Variants in ARID4A observed in about 807,000 individuals in gnomAD.
ARID4A encodes the protein AT-rich interactive domain-containing protein 4A.
A neutral mutation model predicts 148.6 loss-of-function variants in ARID4A; 39 were observed. The observed-to-expected ratio is 0.26, with a 90% CI of 0.20 to 0.34. The LOEUF (loss-of-function observed/expected upper bound fraction) is 0.34, where lower values mean the gene tolerates loss of function less well. Ranked by LOEUF, ARID4A falls within the 10% of genes least tolerant of loss-of-function variation. The probability of loss-of-function intolerance (pLI) is 1.00; values close to 1 mark genes in which losing one functional copy is unlikely to be tolerated. For missense variants in ARID4A, 1,265 were observed against 1,449.1 expected (o/e 0.87, Z 2.06); for synonymous variants, 475 against 481.2 (o/e 0.99, Z 0.17).
At chr14:58,348,642 A>G (rs925825519) in intron 15 of ARID4A, among the ~76,000 whole-genome samples, 9 of 152,218 alleles carry the variant, frequency 5.9e-5, no homozygotes, top group Admixed American at 1.3e-4. Context: ...TTTTAGAAAG[A>G]GAAAGGAATT....
intron 4 of ARID4A, among the ~76,000 whole-genome samples, chr14:58,305,701 T>C (rs1696162908): frequency 6.6e-6 from 1 of 152,168 alleles, no homozygotes; most frequent in South Asian, 2.1e-4. Flanking sequence ...GGCAATGTGA[T>C]ATAGTGGAAA....
intron 15 of ARID4A, among the ~76,000 whole-genome samples, chr14:58,350,829 C>G (rs952481657): frequency 1.2e-4 from 18 of 151,882 alleles, no homozygotes; most frequent in African/African-American, 4.4e-4. Flanking sequence ...TTTTTTCATT[C>G]AAACAGATTC....
At chr14:58,354,786 G>C (rs2034800156) in intron 17 of ARID4A, among the ~76,000 whole-genome samples, 1 of 152,064 alleles carries the variant, frequency 6.6e-6, no homozygotes, top group African/African-American at 2.4e-5. Flanking sequence ...ATCTTATCTA[G>C]AAGGAGAGAC....
At chr14:58,323,180 G>T (rs1039761650) in intron 7 of ARID4A, among the ~76,000 whole-genome samples, 9 of 151,482 alleles carry the variant, frequency 5.9e-5, no homozygotes, top group Admixed American at 1.3e-4. Context: ...AAAGTATTTG[G>T]CACAATAAGT....
chr14:58,365,739 A>C, intron 21 of ARID4A, 117 bp downstream of exon 21: 1 of 890,628 alleles, frequency 1.1e-6, no homozygotes. Context: ...TTTTCATTTA[A>C]CAGTATTATA....
chr14:58,323,280 A>G (rs1175554819), intron 7 of ARID4A, among the ~76,000 whole-genome samples: 3 of 152,050 alleles, frequency 2.0e-5, no homozygotes, highest in Non-Finnish European at 4.4e-5. Flanking sequence ...GGCGAAGTGG[A>G]CTCAGAGTTA....
chr14:58,360,589 G>A (rs747534400), intron 18 of ARID4A, among the ~76,000 whole-genome samples: 7 of 152,118 alleles, frequency 4.6e-5, no homozygotes, highest in Non-Finnish European at 1.0e-4. Flanking sequence ...GTCTTCTAAA[G>A]CTCTAACTGA....
At chr14:58,302,701 T>TC (rs1467481011) in intron 3 of ARID4A, among the ~76,000 whole-genome samples, 1 of 151,972 alleles carries the variant, frequency 6.6e-6, no homozygotes, top group Non-Finnish European at 1.5e-5. Flanking sequence ...ACACCTGCAG[T>TC]CCCAGCACTT....
rs567728796 is a variant in ARID4A, at chr14:58,363,516, A to G, written c.2081-654A>G. On this transcript the variant is annotated intron_variant, in intron 19 of 23. Coordinates refer to ENST00000355431, the MANE Select transcript of ARID4A (RefSeq NM_002892.4). ...GGAGTTTGAGACCAGCCTGGCCAAC[A>G]TAGCAAAACCCCATCTCTACTAAAA... 1.1e-3 allele frequency among the ~76,000 whole-genome samples: 161 copies of G among 152,260 alleles called. 1 individual carries two copies. The highest frequency in any genetic ancestry group is 0.01 in the Middle Eastern group (3 of 294).
At chr14:58,318,125 T>C (rs2032594538) in intron 5 of ARID4A, among the ~76,000 whole-genome samples, 1 of 152,210 alleles carries the variant, frequency 6.6e-6, no homozygotes, top group African/African-American at 2.4e-5. Flanking sequence ...TCAATAGCAA[T>C]ACCAGGAGTC....
intron 19 of ARID4A, among the ~76,000 whole-genome samples, chr14:58,363,226 G>T (rs1290438122): frequency 6.6e-6 from 1 of 152,098 alleles, no homozygotes; most frequent in Non-Finnish European, 1.5e-5. Flanking sequence ...TTGCAGTTTT[G>T]AACTTCTTGA....
intron 7 of ARID4A, among the ~76,000 whole-genome samples, chr14:58,322,204 A>G (rs917202202): frequency 6.6e-6 from 1 of 151,956 alleles, no homozygotes; most frequent in Non-Finnish European, 1.5e-5. Flanking sequence ...TCCTGACCTC[A>G]AGGGATCCAC....
chr14:58,366,429 T>G (rs2140273774), intron 22 of ARID4A, among the ~76,000 whole-genome samples, 199 bp downstream of exon 22: 1 of 152,332 alleles, frequency 6.6e-6, no homozygotes, highest in East Asian at 1.9e-4. Context: ...TTGATAAATA[T>G]TGACTTACAG....
Position 58,364,882 on chromosome 14 carries a change from T to C in ARID4A, c.2793T>C (p.Asp931=). 6.2e-7 allele frequency: 1 copy of C among 1,614,132 alleles called. No homozygotes were observed. The highest frequency in any genetic ancestry group is 8.5e-7 in the Non-Finnish European group (1 of 1,180,020). The change falls in exon 20 of 24, where the codon GAT becomes GAC. Residue 931 remains aspartate (D), a synonymous_variant. Coordinates refer to ENST00000355431, the MANE Select transcript of ARID4A (RefSeq NM_002892.4). ...AACAACTGACTAGTGAAAGATTTGA[T>C]AGTCCAGCTGAAGAAACTGTAAATA... ...CIQQLTSERF[D]SPAEETVNIP...
chr14:58,321,012 C>T (rs2140169877), intron 7 of ARID4A, among the ~76,000 whole-genome samples: 1 of 152,234 alleles, frequency 6.6e-6, no homozygotes, highest in South Asian at 2.1e-4. Context: ...ATATTATACT[C>T]CATAAGTGAT....
chr14:58,308,033 C>T (rs1384045030), intron 5 of ARID4A, among the ~76,000 whole-genome samples: 4 of 152,110 alleles, frequency 2.6e-5, no homozygotes, highest in African/African-American at 9.7e-5. Flanking sequence ...AATGCGCATG[C>T]TCTATAGAAG....
intron 13 of ARID4A, 94 bp downstream of exon 13, chr14:58,346,599 T>C: frequency 3.9e-6 from 3 of 766,604 alleles, no homozygotes; most frequent in Non-Finnish European, 6.2e-6. Flanking sequence ...GGATAATAAA[T>C]ACATTTTCTT....
intron 1 of ARID4A, among the ~76,000 whole-genome samples, 194 bp downstream of exon 1, chr14:58,298,894 A>G (rs2030808363): frequency 6.6e-6 from 1 of 152,196 alleles, no homozygotes; most frequent in African/African-American, 2.4e-5. Flanking sequence ...CCGCCGCCGC[A>G]GTTGCAGCCG....
chr14:58,348,022 G>A (rs1027484894), intron 15 of ARID4A, 144 bp downstream of exon 15: 17 of 591,090 alleles, frequency 2.9e-5, no homozygotes, highest in African/African-American at 9.4e-5. Context: ...TACTTTTTTC[G>A]AAATATATTG....
Sources: gnomAD v4.1 joint callset for allele counts (sites outside exome capture counted in the v4.1 genomes callset) on GRCh38, gnomAD v4.1.1 for gene constraint, MANE v1.5 for transcripts, NCBI Gene and HGNC (gene_info 2026-07-23, HGNC 2026-07-21) for gene names.